Variants in GALNT13 observed in about 807,000 individuals in gnomAD.
GALNT13 encodes the protein polypeptide N-acetylgalactosaminyltransferase 13, also known as UDP-GalNAc:polypeptide N-acetylgalactosaminyltransferase 13.
GALNT13 carries 28 observed loss-of-function variants against 64.2 expected under a neutral mutation model. The observed-to-expected ratio is 0.44, with a 90% CI of 0.32 to 0.60. GALNT13 has a LOEUF of 0.60. GALNT13 is among the 20% of genes least tolerant of loss of function. GALNT13 has a pLI of 0.05. For missense variants in GALNT13, 577 were observed against 669.8 expected, an observed-to-expected ratio of 0.86 and a Z score of 1.53; for synonymous variants, 214 against 224.6, an observed-to-expected ratio of 0.95 and a Z score of 0.42.
intron 3 of GALNT13, among the ~76,000 whole-genome samples, chr2:153,978,744 G>T (rs949044788): frequency 1.3e-5 from 2 of 152,154 alleles, no homozygotes; most frequent in Non-Finnish European, 2.9e-5. Flanking sequence ...TCAGCAGCAT[G>T]AAGATGGACT....
chr2:153,787,637 G>C, the GALNT13 span, among the ~76,000 whole-genome samples: 1 of 151,990 alleles, frequency 6.6e-6, no homozygotes, highest in African/African-American at 2.4e-5. Flanking sequence ...ATATGGATAA[G>C]AATAAAAATC....
At chr2:153,275,649 A>G in the GALNT13 span, among the ~76,000 whole-genome samples, 1 of 152,206 alleles carries the variant, frequency 6.6e-6, no homozygotes, top group Non-Finnish European at 1.5e-5. Flanking sequence ...GATTCAATAT[A>G]TACTGCTACT....
rs111362642 is a variant in GALNT13, at chr2:154,058,908, A to G, written c.143-81429A>G. ...TGACTGACTACTGTATTATGAATAG[A>G]TGTTAGGAGGGGCCAGACAAAAGCA... is the stretch of plus-strand genomic sequence containing the variant. On this transcript the variant is annotated intron_variant, in intron 3 of 12. Transcript: ENST00000392825. Among the ~76,000 whole-genome samples, 618 of 152,296 alleles carry G rather than the reference A, an allele frequency of 4.1e-3. 1 individual carries two copies. The highest frequency in any genetic ancestry group is 0.014 in the African/African-American group (578 of 41,566).
At chr2:154,107,697 A>T (rs200089525) in intron 3 of GALNT13, among the ~76,000 whole-genome samples, 1 of 139,882 alleles carries the variant, frequency 7.1e-6, no homozygotes, top group Non-Finnish European at 1.6e-5. Flanking sequence ...GATATTTTTT[A>T]AAACCCACAT....
At chr2:153,924,626 G>A (rs1689987423) in intron 2 of GALNT13, among the ~76,000 whole-genome samples, 1 of 152,118 alleles carries the variant, frequency 6.6e-6, no homozygotes, top group Non-Finnish European at 1.5e-5. Flanking sequence ...GGTCTTTGAG[G>A]AATTGCCATA....
At chr2:154,305,565 T>C (rs986713598) in intron 9 of GALNT13, among the ~76,000 whole-genome samples, 1 of 152,244 alleles carries the variant, frequency 6.6e-6, no homozygotes. Context: ...ACTTTTTACA[T>C]GTGGGCTTCT....
the GALNT13 span, among the ~76,000 whole-genome samples, chr2:153,202,142 G>A: frequency 0.014 from 2,049 of 151,478 alleles, 18 homozygotes; most frequent in Middle Eastern, 0.048. Flanking sequence ...CCGCCACCGC[G>A]CCCGGCTAAT....
chr2:153,429,964 C>T, the GALNT13 span, among the ~76,000 whole-genome samples: 1 of 152,000 alleles, frequency 6.6e-6, no homozygotes, highest in Non-Finnish European at 1.5e-5. Context: ...CACTAATAGA[C>T]ATAAGAATAT....
At chr2:153,862,454 A>T in the GALNT13 span, among the ~76,000 whole-genome samples, 1 of 152,304 alleles carries the variant, frequency 6.6e-6, no homozygotes, top group East Asian at 1.9e-4. Flanking sequence ...GGAGAGAATA[A>T]TACTATGTTG....
intron 3 of GALNT13, among the ~76,000 whole-genome samples, chr2:154,008,506 T>C (rs1696410055): frequency 6.6e-6 from 1 of 152,108 alleles, no homozygotes; most frequent in African/African-American, 2.4e-5. Flanking sequence ...TATGGAGGGT[T>C]GGTAATACAG....
chr2:153,148,841 CA>C, the GALNT13 span, among the ~76,000 whole-genome samples: 1 of 151,778 alleles, frequency 6.6e-6, no homozygotes, highest in African/African-American at 2.4e-5. Context: ...AAGCAAACAT[CA>C]AAACTTAGGA....
chr2:153,326,676 G>T, the GALNT13 span, among the ~76,000 whole-genome samples: 2 of 152,148 alleles, frequency 1.3e-5, no homozygotes, highest in Non-Finnish European at 2.9e-5. Flanking sequence ...TGTAAGGCAG[G>T]CCTGGTGGTA....
chr2:153,495,365 A>G, the GALNT13 span, among the ~76,000 whole-genome samples: 9 of 152,150 alleles, frequency 5.9e-5, no homozygotes, highest in African/African-American at 2.2e-4. Flanking sequence ...TAAAAAGACT[A>G]ATTCATTTCA....
intron 4 of GALNT13, among the ~76,000 whole-genome samples, chr2:154,148,631 G>A (rs1207808208): frequency 1.3e-5 from 2 of 152,110 alleles, no homozygotes; most frequent in Non-Finnish European, 2.9e-5. Flanking sequence ...ACTGGTGTGA[G>A]ATGGTATCTC....
At chr2:153,994,136 A>G (rs767635313) in intron 3 of GALNT13, among the ~76,000 whole-genome samples, 23 of 152,162 alleles carry the variant, frequency 1.5e-4, no homozygotes, top group Non-Finnish European at 1.6e-4. Context: ...TCATTGTTCA[A>G]TTCTCACCTA....
At chr2:153,668,304 C>T in the GALNT13 span, among the ~76,000 whole-genome samples, 1 of 152,274 alleles carries the variant, frequency 6.6e-6, no homozygotes, top group African/African-American at 2.4e-5. Context: ...ATAGAATATA[C>T]ATTCTTCTCA....
At chr2:153,823,221 A>G in the GALNT13 span, among the ~76,000 whole-genome samples, 1 of 152,232 alleles carries the variant, frequency 6.6e-6, no homozygotes, top group Non-Finnish European at 1.5e-5. Flanking sequence ...ACAGATTCAA[A>G]GCTATTCCTA....
chr2:153,388,640 C>T, the GALNT13 span, among the ~76,000 whole-genome samples: 1 of 152,144 alleles, frequency 6.6e-6, no homozygotes, highest in South Asian at 2.1e-4. Flanking sequence ...TTTGAAGGGA[C>T]TTTTGCAATT....
At chr2:154,126,776 T>C (rs897666646) in intron 3 of GALNT13, among the ~76,000 whole-genome samples, 2 of 152,212 alleles carry the variant, frequency 1.3e-5, no homozygotes, top group African/African-American at 2.4e-5. Context: ...TGCAAGGTAA[T>C]GTGGGCTTAA....
Sources: gnomAD v4.1 joint callset for allele counts (sites outside exome capture counted in the v4.1 genomes callset) on GRCh38, gnomAD v4.1.1 for gene constraint, MANE v1.5 for transcripts, NCBI Gene and HGNC (gene_info 2026-07-23, HGNC 2026-07-21) for gene names.